The following ADCY8 variants were observed in gnomAD, a reference collection of about 807,000 sequenced individuals.
ADCY8 encodes the protein adenylate cyclase 8.
In ADCY8, 51 loss-of-function variants were observed where a neutral mutation model predicts 119.7. The observed-to-expected ratio is 0.43, with a 90% CI of 0.34 to 0.54. The LOEUF is 0.54. Ranked by LOEUF, ADCY8 falls within the 20% of genes least tolerant of loss-of-function variation. The pLI is 0.03. For synonymous variants in ADCY8, 665 were observed against 651.0 expected (o/e 1.02, Z -0.33); for missense variants, 1,383 against 1,598.8 (o/e 0.87, Z 2.30).
intron 15 of ADCY8, among the ~76,000 whole-genome samples, chr8:130,788,798 A>T (rs1014554289): frequency 5.9e-5 from 9 of 152,180 alleles, no homozygotes; most frequent in African/African-American, 2.2e-4. Flanking sequence ...AATTAAAAAA[A>T]TTTGCAAATT....
At chr8:130,848,526 G>GTAAT (rs1563690746) in intron 10 of ADCY8, among the ~76,000 whole-genome samples, 1 of 152,120 alleles carries the variant, frequency 6.6e-6, no homozygotes, top group East Asian at 1.9e-4. Context: ...CTTAAGTAAG[G>GTAAT]TAATTACTGG....
At chr8:130,856,703 G>A (rs555175146) in intron 9 of ADCY8, among the ~76,000 whole-genome samples, 58 of 152,072 alleles carry the variant, frequency 3.8e-4, no homozygotes, top group African/African-American at 2.2e-4. Flanking sequence ...GTCTACCTTC[G>A]TAGGATATAA....
At chr8:130,799,871 G>A (rs761905170) in intron 15 of ADCY8, among the ~76,000 whole-genome samples, 3 of 145,720 alleles carry the variant, frequency 2.1e-5, no homozygotes, top group Admixed American at 6.7e-5. Context: ...GATGGGGAAT[G>A]GGGGAGTAGA....
At chr8:130,950,923 C>T (rs1005640689) in intron 3 of ADCY8, among the ~76,000 whole-genome samples, 2 of 152,184 alleles carry the variant, frequency 1.3e-5, no homozygotes, top group African/African-American at 2.4e-5. Context: ...TGGTCTCGAT[C>T]TCTTGACCTC....
chr8:130,825,957 C>T (rs1816656662), intron 12 of ADCY8, among the ~76,000 whole-genome samples: 3 of 152,138 alleles, frequency 2.0e-5, no homozygotes, highest in African/African-American at 4.8e-5. Flanking sequence ...GGACTACTTC[C>T]GCAGGATCTT....
At chr8:130,836,221 T>G in intron 12 of ADCY8, 56 bp downstream of exon 12, 8 of 1,525,814 alleles carry the variant, frequency 5.2e-6, no homozygotes, top group Non-Finnish European at 7.1e-6. Context: ...TTCCCAACAA[T>G]TCCACTTCCC....
At chr8:131,027,663 G>T (rs2130804365) in intron 1 of ADCY8, among the ~76,000 whole-genome samples, 1 of 152,326 alleles carries the variant, frequency 6.6e-6, no homozygotes, top group African/African-American at 2.4e-5. Context: ...CTCAATGGAG[G>T]TATCCAGTAG....
intron 14 of ADCY8, among the ~76,000 whole-genome samples, chr8:130,809,312 G>C (rs1816086439): frequency 6.6e-6 from 1 of 152,144 alleles, no homozygotes; most frequent in African/African-American, 2.4e-5. Flanking sequence ...CCTTCCCTGA[G>C]CCTCAGTTTC....
At chr8:130,912,496 C>T (rs1820011699) in intron 5 of ADCY8, among the ~76,000 whole-genome samples, 1 of 152,070 alleles carries the variant, frequency 6.6e-6, no homozygotes, top group Non-Finnish European at 1.5e-5. Context: ...GCTTTCCATA[C>T]AGTAGGACTT....
chr8:130,981,424 C>T (rs1395737175), intron 2 of ADCY8, among the ~76,000 whole-genome samples: 1 of 152,164 alleles, frequency 6.6e-6, no homozygotes, highest in Non-Finnish European at 1.5e-5. Flanking sequence ...TCAACTGTAT[C>T]AAGGCAACAG....
rs761567285 is a variant in ADCY8, at chr8:131,040,275, G to A, written c.59C>T (p.Pro20Leu). 2 of 1,566,454 alleles carry A rather than the reference G, an allele frequency of 1.3e-6. No homozygotes were observed. The highest frequency in any genetic ancestry group is 2.7e-5 in the African/African-American group (2 of 73,806). The part of the protein sequence containing the change: ...TGSEELYTIH[P>L]TPPAGDGRSA... ...CCTGCCGTCGCCGGCCGGGGGCGTC[G>A]GGTGGATGGTGTAGAGTTCCTCGCT... Residue 20 changes from proline (P) to leucine (L), a missense_variant, in exon 1 of 18, where the codon CCG becomes CTG. Around this residue, in one of 2 missense-constraint regions of ADCY8, gnomAD observed 455 missense variants for 435.3 expected, o/e 1.05. Transcript: ENST00000286355.
chr8:131,022,383 T>C (rs1823698922), intron 1 of ADCY8, among the ~76,000 whole-genome samples: 1 of 152,206 alleles, frequency 6.6e-6, no homozygotes, highest in South Asian at 2.1e-4. Flanking sequence ...TTTGGTTTTC[T>C]GTTCTTGTGT....
intron 5 of ADCY8, among the ~76,000 whole-genome samples, chr8:130,931,809 TAAGTTTCTTG>T (rs1820637717): frequency 6.6e-6 from 1 of 152,174 alleles, no homozygotes; most frequent in African/African-American, 2.4e-5. Flanking sequence ...ATCACTCCAT[TAAGTTTCTTG>T]TTCTGGTCAC....
chr8:130,972,209 T>C (rs900162114), intron 2 of ADCY8, among the ~76,000 whole-genome samples: 1 of 152,196 alleles, frequency 6.6e-6, no homozygotes, highest in African/African-American at 2.4e-5. Context: ...CATACTTTTA[T>C]TGAGCACTTA....
intron 9 of ADCY8, among the ~76,000 whole-genome samples, chr8:130,864,667 A>T (rs1818053535): frequency 6.6e-6 from 1 of 151,878 alleles, no homozygotes; most frequent in Non-Finnish European, 1.5e-5. Flanking sequence ...GGCATTCATT[A>T]TTTCTGTTAG....
chr8:130,938,398 A>C (rs1039772191), intron 4 of ADCY8, among the ~76,000 whole-genome samples: 6 of 152,126 alleles, frequency 3.9e-5, no homozygotes, highest in African/African-American at 1.4e-4. Context: ...CATCATGGAC[A>C]AGTGACATAT....
intron 12 of ADCY8, among the ~76,000 whole-genome samples, chr8:130,822,581 TCCA>T (rs1434259668): frequency 2.6e-5 from 4 of 151,682 alleles, no homozygotes; most frequent in Non-Finnish European, 4.4e-5. Flanking sequence ...CATCCATCCA[TCCA>T]TCCATCCATC....
chr8:130,992,422 TA>T (rs1822621832), intron 1 of ADCY8, among the ~76,000 whole-genome samples: 3 of 131,754 alleles, frequency 2.3e-5, no homozygotes, highest in African/African-American at 9.7e-5. Context: ...TATATATATA[TA>T]TATATATTTG....
At position 130,941,151 on chromosome 8, in the gene ADCY8, T is replaced by G. The variant is rs142225769; in HGVS notation, c.1353+2200A>C. On this transcript the variant is annotated intron_variant, in intron 4 of 17. Transcript: ENST00000286355. ...TAATTGTAATCACGTAAGTAGTACG[T>G]GAATATATTGTCCTAGTAAAAATGA... is the stretch of plus-strand genomic sequence containing the variant. Among the ~76,000 whole-genome samples the G allele has an allele frequency of 4.4e-3, 665 of 152,300 alleles. 1 individual carries two copies. The highest frequency in any genetic ancestry group is 7.0e-3 in the Non-Finnish European group (477 of 68,006).
Sources: allele counts gnomAD v4.1 joint callset (sites outside exome capture counted in the v4.1 genomes callset), GRCh38; gene constraint gnomAD v4.1.1; regional missense constraint gnomAD v4.1.1; transcripts MANE v1.5; gene names NCBI Gene and HGNC (gene_info 2026-07-23, HGNC 2026-07-21).